Variants in GJA5 observed in about 807,000 individuals in gnomAD.
GJA5 encodes the protein gap junction alpha-5 protein.
A neutral mutation model predicts 7.9 loss-of-function variants in GJA5; 3 were observed. The observed-to-expected ratio is 0.38, with a 90% CI of 0.17 to 0.99. The LOEUF is 0.99. GJA5 is among the 50% of genes least tolerant of loss of function. GJA5 has a pLI of 0.38. For missense variants in GJA5, 390 were observed against 457.9 expected, an observed-to-expected ratio of 0.85 and a Z score of 1.35; for synonymous variants, 193 against 181.0, an observed-to-expected ratio of 1.07 and a Z score of -0.53.
chr1:147,767,872 T>C (rs1664265777), intron 1 of GJA5, among the ~76,000 whole-genome samples: 1 of 152,238 alleles, frequency 6.6e-6, no homozygotes, highest in South Asian at 2.1e-4. Context: ...GGCTGGCCAC[T>C]TTTATATAAG....
intron 1 of GJA5, among the ~76,000 whole-genome samples, chr1:147,769,070 G>T (rs1246900626): frequency 6.6e-6 from 1 of 152,204 alleles, no homozygotes; most frequent in Admixed American, 6.5e-5. Context: ...TTACTGGCTG[G>T]CCATCCCTTA....
In GJA5 at chr1:147,758,101, C is replaced by G. The variant is rs889766059; in HGVS notation, c.*61G>C. On this transcript the variant is annotated 3_prime_UTR_variant, in exon 2 of 2. Coordinates refer to ENST00000579774, the MANE Select transcript of GJA5 (RefSeq NM_181703.4). The stretch of plus-strand genomic sequence containing the variant: ...AGAAAGCATCAGTTCAGAAGGGACA[C>G]GTCTTTCCTCTCTGAGCCTCCTTTG... 115 of 1,125,416 alleles carry G rather than the reference C, an allele frequency of 1.0e-4. 2 individuals are homozygous for G. In the Admixed American group the frequency reaches 1.9e-3, roughly 19 times the overall value. 69.7% of individuals were successfully genotyped at this position (1,125,416 alleles called of 1,614,324 possible).
intron 1 of GJA5, among the ~76,000 whole-genome samples, chr1:147,769,861 G>T (rs957098229): frequency 5.3e-5 from 8 of 151,974 alleles, no homozygotes; most frequent in African/African-American, 1.9e-4. Flanking sequence ...CTCCTAATGT[G>T]TCCTTAACTC....
upstream of GJA5, among the ~76,000 whole-genome samples, chr1:147,764,159 A>G (rs1207748069): frequency 6.6e-6 from 1 of 152,104 alleles, no homozygotes; most frequent in Non-Finnish European, 1.5e-5. Flanking sequence ...TTTTCAAAGA[A>G]AATCATTTCA....
chr1:147,771,337 A>T (rs1664393744), intron 1 of GJA5, among the ~76,000 whole-genome samples: 1 of 152,148 alleles, frequency 6.6e-6, no homozygotes, highest in Non-Finnish European at 1.5e-5. Flanking sequence ...AGGAAAATCC[A>T]GCCGGGGGAT....
intron 1 of GJA5, among the ~76,000 whole-genome samples, chr1:147,768,856 T>G (rs1664302157): frequency 6.6e-6 from 1 of 152,242 alleles, no homozygotes; most frequent in Non-Finnish European, 1.5e-5. Flanking sequence ...CATAAAGGGT[T>G]TGAATCCAGC....
rs143825166 is a variant in GJA5, at chr1:147,768,299, C to T, written c.-34+4953G>A. Among the ~76,000 whole-genome samples, 11 of 152,266 alleles carry T rather than the reference C, an allele frequency of 7.2e-5. No individual in the cohort carries two copies. In the East Asian group the frequency reaches 2.1e-3, roughly 29 times the overall value. On this transcript the variant is annotated intron_variant, in intron 1 of 1. Transcript: ENST00000430508. ...GAACAGATGGGTCCACTCAGAGACA[C>T]CCTGCTGGCAGACAGTTGTTTCAAA...
At chr1:147,766,661 T>G (rs782078157) in intron 1 of GJA5, among the ~76,000 whole-genome samples, 5 of 152,200 alleles carry the variant, frequency 3.3e-5, no homozygotes, top group Admixed American at 6.5e-5. Flanking sequence ...ACTGGGGAAC[T>G]TATCCAAGCT....
upstream of GJA5, among the ~76,000 whole-genome samples, chr1:147,764,595 C>G (rs1261482652): frequency 6.6e-6 from 1 of 152,112 alleles, no homozygotes; most frequent in Non-Finnish European, 1.5e-5. Context: ...AAGGCCGAGG[C>G]GGGCAGATCA....
Position 147,758,808 on chromosome 1 carries a change from G to T in GJA5, c.431C>A (p.Ala144Asp). The change falls in exon 2 of 2, where the codon GCC (alanine) becomes GAC (aspartate). Residue 144 changes from alanine to aspartate, a missense_variant. Ala to Asp is a moderately radical substitution (Grantham distance 126, BLOSUM62 -2). This residue lies in a region of GJA5 where 354 missense variants were observed against 370.9 expected (regional missense o/e 0.95). Transcript: ENST00000579774. ...GGTGTTGAGCAGAGTGCCCTGGAGG[G>T]CAATCCTTCCATTCCCTTCCTCCCA... ...SCWEEGNGRI[A>D]LQGTLLNTYV... is the part of the protein sequence containing the mutation. 7 of 1,614,162 alleles carry T rather than the reference G, an allele frequency of 4.3e-6. No individual in the cohort carries two copies. The highest frequency in any genetic ancestry group is 5.9e-6 in the Non-Finnish European group (7 of 1,180,014).
intron 1 of GJA5, among the ~76,000 whole-genome samples, chr1:147,760,016 A>C (rs1477944507): frequency 6.6e-6 from 1 of 152,118 alleles, no homozygotes; most frequent in Non-Finnish European, 1.5e-5. Flanking sequence ...GGAGGTGGCA[A>C]ACAAAAAGTG....
chr1:147,772,095 CTT>C (rs1449802003), intron 1 of GJA5, among the ~76,000 whole-genome samples: 3 of 152,286 alleles, frequency 2.0e-5, no homozygotes, highest in Admixed American at 1.3e-4. Flanking sequence ...CCCTTGGTCT[CTT>C]CTCTCCTTCA....
Position 147,758,653 on chromosome 1 carries a change from A to C in GJA5, c.586T>G (p.Cys196Gly), listed in dbSNP as rs1553226930. The C allele has an allele frequency of 6.2e-7, 1 of 1,614,172 alleles. No individual in the cohort carries two copies. The highest frequency in any genetic ancestry group is 8.5e-7 in the Non-Finnish European group (1 of 1,179,990). Residue 196 changes from cysteine (C) to glycine (G), a missense_variant, in exon 2 of 2, where the codon TGT becomes GGT. By Grantham distance (159) the Cys-to-Gly change is radical. Transcript: ENST00000579774. ...RRSPCPHPVN[C>G]YVSRPTEKNV... ...TTCTCTGTGGGCCGGGATACGTAAC[A>C]GTTGACCGGGTGGGGACAGGGACTC...
At chr1:147,761,885 T>G (rs1571071403), upstream of GJA5, among the ~76,000 whole-genome samples, 2 of 151,964 alleles carry the variant, frequency 1.3e-5, no homozygotes, top group East Asian at 3.9e-4. Flanking sequence ...GAGTTGGAAA[T>G]GGAGAAAAAG....
chr1:147,762,868 G>C (rs1664072753), upstream of GJA5, among the ~76,000 whole-genome samples: 1 of 152,190 alleles, frequency 6.6e-6, no homozygotes, highest in Non-Finnish European at 1.5e-5. Flanking sequence ...ATACTTTGTA[G>C]ATTATTATCT....
upstream of GJA5, among the ~76,000 whole-genome samples, chr1:147,764,879 T>C (rs1168357889): frequency 1.3e-5 from 2 of 151,948 alleles, no homozygotes; most frequent in Non-Finnish European, 2.9e-5. Flanking sequence ...CTGTCAAGTA[T>C]TTAACAGCTT....
upstream of GJA5, among the ~76,000 whole-genome samples, chr1:147,761,472 C>A (rs1260302927): frequency 6.6e-6 from 1 of 152,124 alleles, no homozygotes; most frequent in Non-Finnish European, 1.5e-5. Flanking sequence ...ACCCCAGGTC[C>A]CCAAACTTGA....
At chr1:147,773,111 A>G (rs1474502806) in intron 1 of GJA5, 2 of 152,230 alleles carry the variant, frequency 1.3e-5, no homozygotes, top group African/African-American at 4.8e-5. Context: ...ATCACAGGAA[A>G]TAGCGGGAGG....
At position 147,758,864 on chromosome 1, in the gene GJA5, G is replaced by C. The variant is rs1663857804; in HGVS notation, c.375C>G (p.Tyr125Ter). 1 of 1,614,072 alleles carries C rather than the reference G, an allele frequency of 6.2e-7. No homozygotes were observed. Among genetic ancestry groups the C allele is most frequent in the Non-Finnish European group, 8.5e-7 (1 of 1,180,034 alleles). Residue 125 changes from tyrosine to a stop codon, truncating the protein, a stop_gained, in exon 2 of 2, where the codon TAC (tyrosine) becomes TAG (stop). Transcript: ENST00000579774. LOFTEE classifies it low-confidence loss of function (END_TRUNC). The stretch of plus-strand genomic sequence containing the variant: ...ACAGTTCTGCCTTCTCTGCCACCGG[G>C]TACTCGTAAGAGCCAGAGCCCCGGA... ...KEVRGSGSYE[Y>*]PVAEKAELSC...
Sources: allele counts gnomAD v4.1 joint callset (sites outside exome capture counted in the v4.1 genomes callset), GRCh38; gene constraint gnomAD v4.1.1; regional missense constraint gnomAD v4.1.1; transcripts MANE v1.5; gene names NCBI Gene and HGNC (gene_info 2026-07-23, HGNC 2026-07-21).